The following TECRL variants were observed in gnomAD, a reference collection of about 807,000 sequenced individuals.
TECRL encodes trans-2,3-enoyl-CoA reductase-like.
A neutral mutation model predicts 52.8 loss-of-function variants in TECRL; 63 were observed. The ratio of observed to expected loss-of-function variants is 1.19; its 90% CI spans 0.97 to 1.47. The LOEUF is 1.47. Ranked by LOEUF, TECRL falls within the 40% of genes most tolerant of loss-of-function variation. The pLI is 0.00. For synonymous variants in TECRL, 164 were observed against 141.9 expected, an observed-to-expected ratio of 1.16 and a Z score of -1.10; for missense variants, 482 against 429.6, an observed-to-expected ratio of 1.12 and a Z score of -1.08.
chr4:64,299,494 A>T (rs775042136), intron 8 of TECRL, among the ~76,000 whole-genome samples: 1 of 151,198 alleles, frequency 6.6e-6, no homozygotes, highest in Admixed American at 6.6e-5. Flanking sequence ...ACACAATTTT[A>T]TCTACATATA....
At chr4:64,323,409 A>G (rs1686096168) in intron 3 of TECRL, among the ~76,000 whole-genome samples, 1 of 152,046 alleles carries the variant, frequency 6.6e-6, no homozygotes, top group South Asian at 2.1e-4. Flanking sequence ...TGAAAACAAA[A>G]CAAAACAACA....
At chr4:64,407,971 T>C (rs1645967672) in intron 1 of TECRL, among the ~76,000 whole-genome samples, 1 of 151,688 alleles carries the variant, frequency 6.6e-6, no homozygotes, top group Non-Finnish European at 1.5e-5. Context: ...ATGGCCTCAG[T>C]AGAACTATAG....
rs1216515779 is a variant in TECRL at position 64,328,150 on chromosome 4, T to C, written c.331+362A>G. 2.6e-5 allele frequency among the ~76,000 whole-genome samples: 4 copies of C among 152,066 alleles called. No individual in the cohort carries two copies. In the South Asian group the frequency reaches 6.2e-4, roughly 24 times the overall value. On this transcript the variant is annotated intron_variant, in intron 3 of 11. Coordinates refer to ENST00000381210, the MANE Select transcript of TECRL (RefSeq NM_001010874.5). ...TCCTTATGTCACTTATTCTGCTTTA[T>C]AACAGCAAAAAGAAAAAGAAAAAAT... is the stretch of plus-strand genomic sequence containing the variant.
At chr4:64,326,709 C>T (rs990160840) in intron 3 of TECRL, among the ~76,000 whole-genome samples, 1 of 152,106 alleles carries the variant, frequency 6.6e-6, no homozygotes, top group Non-Finnish European at 1.5e-5. Context: ...ATGCATGAAC[C>T]TATCCAAGTT....
At chr4:64,407,484 CAT>C (rs1491566574) in intron 1 of TECRL, among the ~76,000 whole-genome samples, 244 of 133,358 alleles carry the variant, frequency 1.8e-3, no homozygotes, top group East Asian at 5.1e-3. Flanking sequence ...AACTAATTGG[CAT>C]GTGTGTGTGT....
At chr4:64,383,061 T>C (rs552919046) in intron 1 of TECRL, among the ~76,000 whole-genome samples, 1 of 152,290 alleles carries the variant, frequency 6.6e-6, no homozygotes, top group East Asian at 1.9e-4. Flanking sequence ...CTACATATGG[T>C]ATTCTTGATT....
intron 2 of TECRL, among the ~76,000 whole-genome samples, chr4:64,340,937 C>T (rs374487229): frequency 3.3e-5 from 5 of 152,188 alleles, no homozygotes; most frequent in African/African-American, 1.2e-4. Flanking sequence ...CAGAGAGGAA[C>T]AACCCACTCC....
intron 2 of TECRL, among the ~76,000 whole-genome samples, chr4:64,372,970 T>A (rs562307678): frequency 1.3e-5 from 2 of 151,632 alleles, no homozygotes; most frequent in Non-Finnish European, 3.0e-5. Flanking sequence ...AAATATAAGA[T>A]CCTAAGGCAA....
chr4:64,298,969 A>G (rs1723848825), intron 8 of TECRL: 1 of 151,186 alleles, frequency 6.6e-6, no homozygotes, highest in Non-Finnish European at 1.5e-5. Flanking sequence ...CTTGAACAGT[A>G]TGCACAATTG....
intron 2 of TECRL, among the ~76,000 whole-genome samples, chr4:64,360,978 T>C (rs900805494): frequency 1.3e-5 from 2 of 152,136 alleles, no homozygotes; most frequent in Non-Finnish European, 2.9e-5. Context: ...AGGCTCAACA[T>C]ACTCCACTAG....
At chr4:64,343,021 T>TA (rs1719698056) in intron 2 of TECRL, among the ~76,000 whole-genome samples, 1 of 151,996 alleles carries the variant, frequency 6.6e-6, no homozygotes, top group South Asian at 2.1e-4. Context: ...TAATAAAAAA[T>TA]AATAGTACAG....
chr4:64,381,639 A>G (rs1054392165), intron 1 of TECRL, among the ~76,000 whole-genome samples: 8 of 152,076 alleles, frequency 5.3e-5, no homozygotes, highest in Non-Finnish European at 7.4e-5. Context: ...ATCTGTATCT[A>G]TTACAGTAAT....
chr4:64,322,011 C>A (rs560786014), intron 4 of TECRL, among the ~76,000 whole-genome samples: 1 of 152,200 alleles, frequency 6.6e-6, no homozygotes, highest in East Asian at 1.9e-4. Context: ...ATGAAACCAG[C>A]CCAATAGTCC....
At chr4:64,363,073 C>T (rs1721314732) in intron 2 of TECRL, among the ~76,000 whole-genome samples, 1 of 149,384 alleles carries the variant, frequency 6.7e-6, no homozygotes, top group Non-Finnish European at 1.5e-5. Context: ...TTTAAAACAA[C>T]AACTATCAAA....
intron 4 of TECRL, among the ~76,000 whole-genome samples, chr4:64,315,374 T>C (rs1157625214): frequency 6.6e-6 from 1 of 152,052 alleles, no homozygotes; most frequent in Admixed American, 6.5e-5. Context: ...ACACTAACAA[T>C]ATTTGGAAAG....
At chr4:64,379,399 A>T (rs1722627447) in intron 1 of TECRL, among the ~76,000 whole-genome samples, 1 of 152,126 alleles carries the variant, frequency 6.6e-6, no homozygotes, top group South Asian at 2.1e-4. Context: ...TGCTATATTG[A>T]TATGTACATG....
At chr4:64,284,051 C>A (rs1162588526) in intron 9 of TECRL, among the ~76,000 whole-genome samples, 1 of 151,968 alleles carries the variant, frequency 6.6e-6, no homozygotes, top group African/African-American at 2.4e-5. Context: ...CATGAACCAA[C>A]AAATTATAGG....
chr4:64,347,338 G>A lies in TECRL; in HGVS notation c.287-18782C>T, dbSNP rs144017189. Among the ~76,000 whole-genome samples, 7 of 152,278 alleles carry A rather than the reference G, an allele frequency of 4.6e-5. No individual in the cohort carries two copies. The East Asian group carries it at 1.2e-3, about 25-fold the overall frequency. On this transcript the variant is annotated intron_variant, in intron 2 of 11. Transcript: ENST00000381210. ...GAGTTCATAGGCATTTCTGTGGCAT[G>A]GGAATGTGTCCAGCTGCCCATGTGA...
Position 64,278,048 on chromosome 4 carries a change from GTATGTGTATATA to G in TECRL, c.*2012_*2023del, listed in dbSNP as rs1393493373. The G allele has an allele frequency of 5.3e-5, 8 of 151,532 alleles. No individual in the cohort carries two copies. The highest frequency in any genetic ancestry group is 2.1e-4 in the South Asian group (1 of 4,814). The allele number at this position is 151,532 out of a possible 1,614,324, so 9.4% of individuals were successfully genotyped here. A position where few individuals can be genotyped will look rare whatever the true frequency, so the allele number is the denominator to read the frequency against. The stretch of plus-strand genomic sequence containing the variant: ...CCATTTGAAATATGCATATATTTGT[GTATGTGTATATA>G]TATGTGTATATATATACACATATAC... On this transcript the variant is annotated 3_prime_UTR_variant, in exon 12 of 12. Coordinates refer to ENST00000381210, the MANE Select transcript of TECRL (RefSeq NM_001010874.5).
Sources: allele counts gnomAD v4.1 joint callset (sites outside exome capture counted in the v4.1 genomes callset), GRCh38; gene constraint gnomAD v4.1.1; transcripts MANE v1.5; gene names NCBI Gene and HGNC (gene_info 2026-07-23, HGNC 2026-07-21).